Variants in TUT1 observed in about 807,000 individuals in gnomAD.
TUT1 encodes the protein terminal uridylyl transferase 1, U6 snRNA-specific.
In TUT1, 26 loss-of-function variants were observed where a neutral mutation model predicts 48.8. The ratio of observed to expected loss-of-function variants is 0.53; its 90% CI spans 0.39 to 0.74. The LOEUF (loss-of-function observed/expected upper bound fraction) is 0.74, where lower values mean the gene tolerates loss of function less well. Among genes scored for constraint, TUT1 ranks in the 30% least tolerant of loss-of-function variants. The pLI is 0.00. For missense variants in TUT1, 1,065 were observed against 1,114.8 expected (o/e 0.96, Z 0.64); for synonymous variants, 470 against 460.8 (o/e 1.02, Z -0.26).
In TUT1 at chr11:62,575,684, C is replaced by T. The variant is rs1941710175; in HGVS notation, c.2035G>A (p.Gly679Arg). ...TCTTCCCCACCGTCCCCTGCACATC[C>T]CTGCTGCTCCTCTTTCCCCTCCTCA... Reference protein sequence around the residue: ...CCEEGKEEQQGCAGDGGEDRV... With the variant: ...CCEEGKEEQQRCAGDGGEDRV... Residue 679 changes from glycine (G) to arginine (R), a missense_variant, in exon 9 of 9, where the codon GGA becomes AGA. Gly to Arg is a moderately radical substitution (Grantham distance 125, BLOSUM62 -2). Coordinates refer to ENST00000476907, the MANE Select transcript of TUT1 (RefSeq NM_022830.3). 6.2e-7 allele frequency: 1 copy of T among 1,614,220 alleles called. No individual in the cohort carries two copies. Among genetic ancestry groups the T allele is most frequent in the East Asian group, 2.2e-5 (1 of 44,870 alleles).
In TUT1 at chr11:62,576,941, C is replaced by A; in HGVS notation, c.1347G>T (p.Val449=). The A allele has an allele frequency of 6.2e-7, 1 of 1,614,100 alleles. No individual in the cohort carries two copies. ...IYFLQTRDPP[V]LPTVSQLTQK... ...GGGTGAGCTGGGACACAGTGGGCAA[C>A]ACAGGAGGGTCCCTGGTCTGAAGAA... The change falls in exon 7 of 9, where the codon GTG becomes GTT. Residue 449 remains valine, a synonymous_variant. Coordinates refer to ENST00000476907, the MANE Select transcript of TUT1 (RefSeq NM_022830.3).
Position 62,589,024 on chromosome 11 carries a change from A to G in TUT1, c.273+7T>C. The G allele has an allele frequency of 6.2e-7, 1 of 1,610,818 alleles. No individual in the cohort carries two copies. Among genetic ancestry groups the G allele is most frequent in the Non-Finnish European group, 8.5e-7 (1 of 1,177,344 alleles). On this transcript the variant is annotated splice_region_variant and intron_variant, in intron 2 of 8. Transcript: ENST00000476907. ...TCATTCTTTAACCCGAGAGCCATTC[A>G]CTTTACCTTGTCCTTGTCCATGACA...
intron 5 of TUT1, among the ~76,000 whole-genome samples, chr11:62,577,673 G>A (rs1941752092): frequency 6.6e-6 from 1 of 151,792 alleles, no homozygotes; most frequent in Admixed American, 6.6e-5. Flanking sequence ...AAAGGAGAGA[G>A]GGCAAGGGGC....
chr11:62,583,912 C>A (rs918626624), intron 2 of TUT1, among the ~76,000 whole-genome samples: 3 of 152,140 alleles, frequency 2.0e-5, no homozygotes, highest in Non-Finnish European at 4.4e-5. Context: ...AACTGGATAG[C>A]CACATGCAAA....
intron 1 of TUT1, 99 bp downstream of exon 1, chr11:62,591,305 T>C (rs1942009358): frequency 2.1e-6 from 3 of 1,433,348 alleles, no homozygotes; most frequent in African/African-American, 2.9e-5. Flanking sequence ...ACCAATCAAC[T>C]TGACAAGAAC....
chr11:62,576,983 G>C lies in TUT1; in HGVS notation c.1305C>G (p.Thr435=), dbSNP rs139383227. The change falls in exon 7 of 9, where the codon ACC becomes ACG. Residue 435 remains threonine (T), a synonymous_variant. Coordinates refer to ENST00000476907, the MANE Select transcript of TUT1 (RefSeq NM_022830.3). The part of the protein sequence containing the change: ...SGPLLSNYAL[T]LLVIYFLQTR... The stretch of plus-strand genomic sequence containing the variant: ...TCTGAAGAAAATAGATCACCAGCAA[G>C]GTCAGGGCGTAGTTACTGAGAAGGG... 6.2e-7 allele frequency: 1 copy of C among 1,614,100 alleles called. No homozygotes were observed. Among genetic ancestry groups the C allele is most frequent in the East Asian group, 2.2e-5 (1 of 44,882 alleles).
At position 62,579,023 on chromosome 11, in the gene TUT1, G is replaced by T. The variant is rs765468114; in HGVS notation, c.698C>A (p.Pro233Gln). 3.3e-6 allele frequency: 5 copies of T among 1,511,474 alleles called. No homozygotes were observed. The highest frequency in any genetic ancestry group is 4.4e-6 in the Non-Finnish European group (5 of 1,131,000). 93.6% of individuals were successfully genotyped at this position (1,511,474 alleles called of 1,614,324 possible). A position where few individuals can be genotyped will look rare whatever the true frequency, so the allele number is the denominator to read the frequency against. The change falls in exon 5 of 9, where the codon CCA (proline) becomes CAA (glutamine). Residue 233 changes from proline to glutamine, a missense_variant. Coordinates refer to ENST00000476907, the MANE Select transcript of TUT1 (RefSeq NM_022830.3). ...CAGCGATGGAGATTCTGGAGCCTTT[G>T]GGACTGGCTGTGGACAGAAATGAAC... ...LGDLEEPQPV[P>Q]KAPESPSLDS... is the part of the protein sequence containing the mutation.
chr11:62,576,181 G>A lies in TUT1; in HGVS notation c.1538C>T (p.Ser513Phe). 6.2e-7 allele frequency: 1 copy of A among 1,611,378 alleles called. No individual in the cohort carries two copies. The highest frequency in any genetic ancestry group is 8.5e-7 in the Non-Finnish European group (1 of 1,178,766). Residue 513 changes from serine (S) to phenylalanine (F), a missense_variant, in exon 9 of 9, where the codon TCC (serine) becomes TTC (phenylalanine). By Grantham distance (155) the Ser-to-Phe change is radical (BLOSUM62 -2). Coordinates refer to ENST00000476907, the MANE Select transcript of TUT1 (RefSeq NM_022830.3). ...AGGCAGTGCCTGACCCTCCCGCAGG[G>A]ACAGCAGGGAGCCACGAAGATCCCA... is the stretch of plus-strand genomic sequence containing the variant. ...SCWDLRGSLL[S>F]LREGQALPVA...
chr11:62,576,969 TA>T lies in TUT1; in HGVS notation c.1318del (p.Tyr440IlefsTer47). On this transcript the variant is annotated frameshift_variant, in exon 7 of 9. Transcript: ENST00000476907. LOFTEE classifies it high-confidence loss of function. ...AGGAGGGTCCCTGGTCTGAAGAAAA[TA>T]GATCACCAGCAAGGTCAGGGCGTAG... ...SNYALTLLVI[Y>X]FLQTRDPPVL... 6.2e-7 allele frequency: 1 copy of T among 1,613,908 alleles called. No individual in the cohort carries two copies. The highest frequency in any genetic ancestry group is 1.1e-5 in the South Asian group (1 of 91,048).
chr11:62,578,798 G>A lies in TUT1; in HGVS notation c.923C>T (p.Ala308Val). 6.2e-7 allele frequency: 1 copy of A among 1,614,138 alleles called. No homozygotes were observed. Among genetic ancestry groups the A allele is most frequent in the Non-Finnish European group, 8.5e-7 (1 of 1,180,036 alleles). The change falls in exon 5 of 9, where the codon GCT (alanine) becomes GTT (valine). Residue 308 changes from alanine (A) to valine (V), a missense_variant. Physicochemically the swap from Ala to Val is moderately conservative, Grantham distance 64. Transcript: ENST00000476907. ...TLASPQSLPP[A>V]SPLLEDREEG... ...TTCCCTGTCCTCTAGCAGTGGTGAA[G>A]CTGGAGGCAGAGACTGGGGAGAAGC...
intron 7 of TUT1, 58 bp downstream of exon 7, chr11:62,576,849 T>C (rs1299296143): frequency 2.5e-6 from 4 of 1,596,804 alleles, no homozygotes; most frequent in Non-Finnish European, 1.7e-6. Flanking sequence ...TATCTAAGTG[T>C]GATGAAGAAG....
intron 2 of TUT1, among the ~76,000 whole-genome samples, chr11:62,586,550 G>A (rs974719944): frequency 3.9e-5 from 6 of 152,124 alleles, no homozygotes; most frequent in Admixed American, 3.3e-4. Context: ...TGGCTGAGGT[G>A]GGCAGATCAC....
rs1345048826 is a variant in TUT1 at position 62,591,519 on chromosome 11, C to T, written c.-34G>A. ...TCCTGTACCGACAAAAACACAAGCA[C>T]CTCTGCCACCACCGGAACCCACTTC... On this transcript the variant is annotated 5_prime_UTR_variant, in exon 1 of 9. The change creates a new upstream start codon in the 5' untranslated region. Transcript: ENST00000476907. 3 of 1,613,594 alleles carry T rather than the reference C, an allele frequency of 1.9e-6. No homozygotes were observed. In the Admixed American group the frequency reaches 5.0e-5, roughly 27 times the overall value.
Position 62,575,549 on chromosome 11 carries a change from G to A in TUT1, c.2170C>T (p.Pro724Ser), listed in dbSNP as rs1402952606. 2 of 1,613,902 alleles carry A rather than the reference G, an allele frequency of 1.2e-6. No homozygotes were observed. Among genetic ancestry groups the A allele is most frequent in the Admixed American group, 1.7e-5 (1 of 60,014 alleles). ...TGGCTGGGCTGCCCCTCTTCTCCAG[G>A]GGCTCCATGCTTTCCAGTGGTCAGG... Reference protein sequence around the residue: ...LPLTTGKHGAPGEEGQPSHAA... With the variant: ...LPLTTGKHGASGEEGQPSHAA... The change falls in exon 9 of 9, where the codon CCT (proline) becomes TCT (serine). Residue 724 changes from proline (P) to serine (S), a missense_variant. Physicochemically the swap from Pro to Ser is moderately conservative, Grantham distance 74 (BLOSUM62 -1). Transcript: ENST00000476907.
In TUT1 at chr11:62,578,570, AG is replaced by A; in HGVS notation, c.1150del (p.Leu384SerfsTer13). The A allele has an allele frequency of 6.3e-7, 1 of 1,598,802 alleles. No individual in the cohort carries two copies. Among genetic ancestry groups the A allele is most frequent in the Non-Finnish European group, 8.5e-7 (1 of 1,171,904 alleles). On this transcript the variant is annotated frameshift_variant, in exon 5 of 9. Transcript: ENST00000476907. LOFTEE classifies it high-confidence loss of function. ...RPSGLHGDVS[L>X]SNRLALHNSR... ...AAAAAAAGAAAGGTACCGGTTACTG[AG>A]GGAGACATCACCGTGGAGACCTGAA...
intron 2 of TUT1, among the ~76,000 whole-genome samples, chr11:62,583,930 T>C (rs1181987305): frequency 2.0e-5 from 3 of 152,152 alleles, no homozygotes; most frequent in African/African-American, 7.2e-5. Context: ...AAAACAATGA[T>C]GTTGAACCTT....
At chr11:62,580,225 A>T (rs898275533) in intron 4 of TUT1, among the ~76,000 whole-genome samples, 9 of 152,204 alleles carry the variant, frequency 5.9e-5, no homozygotes, top group African/African-American at 2.2e-4. Context: ...TTGGGAGGCC[A>T]AGGTGGGTGG....
At chr11:62,591,186 A>T in intron 1 of TUT1, 2 of 497,494 alleles carry the variant, frequency 4.0e-6, no homozygotes, top group Non-Finnish European at 5.2e-6. Flanking sequence ...TAAAACAATT[A>T]AACTTGCGTT....
At chr11:62,576,593 GAT>G (rs1590715790) in intron 8 of TUT1, 62 bp downstream of exon 8, 2 of 1,372,114 alleles carry the variant, frequency 1.5e-6, no homozygotes, top group East Asian at 4.6e-5. Flanking sequence ...CAGTTAGTGT[GAT>G]ATATGTTACC....
Sources: gnomAD v4.1 joint callset for allele counts (sites outside exome capture counted in the v4.1 genomes callset) on GRCh38, gnomAD v4.1.1 for gene constraint, MANE v1.5 for transcripts, NCBI Gene and HGNC (gene_info 2026-07-23, HGNC 2026-07-21) for gene names.